Variants in MCRIP2 observed in about 807,000 individuals in gnomAD.
The protein encoded by MCRIP2 is MAPK regulated co-repressor interacting protein 2.
In MCRIP2, 21 loss-of-function variants were observed where a neutral mutation model predicts 23.2. That is an observed-to-expected ratio of 0.90 (90% CI 0.64 to 1.30). The LOEUF is 1.30. MCRIP2 is among the 50% of genes most tolerant of loss of function. MCRIP2 has a pLI of 0.00. For synonymous variants in MCRIP2, 121 were observed against 100.2 expected, an observed-to-expected ratio of 1.21 and a Z score of -1.24; for missense variants, 234 against 223.2, an observed-to-expected ratio of 1.05 and a Z score of -0.31.
rs1345735058 is a variant in MCRIP2 at position 648,277 on chromosome 16, G to A, written c.*87G>A. 2 of 1,333,066 alleles carry A rather than the reference G, an allele frequency of 1.5e-6. No individual in the cohort carries two copies. Among genetic ancestry groups the A allele is most frequent in the Non-Finnish European group, 2.1e-6 (2 of 954,888 alleles). 82.6% of individuals were successfully genotyped at this position (1,333,066 alleles called of 1,614,324 possible). On this transcript the variant is annotated 3_prime_UTR_variant, in exon 5 of 5. Transcript: ENST00000307650. ...CCTGCCCACCCACTGCGCCTGGCTG[G>A]GTGCCGGCCACACCTGAAGTGCCAG...
In MCRIP2 at chr16:647,797, C is replaced by T. The variant is rs371488689; in HGVS notation, c.325C>T (p.Gln109Ter). ...RFVSEAWQQV[Q>*]QQLDGGPAGE... ...TCCTCCCACAGCCTGGCAGCAGGTGCAACAGCAGCTGGATGGTGGCCCAGC... is the reference window on the plus strand; with the variant it reads ...TCCTCCCACAGCCTGGCAGCAGGTGTAACAGCAGCTGGATGGTGGCCCAGC... The change falls in exon 4 of 5, where the codon CAA (glutamine) becomes TAA (stop). Residue 109 changes from glutamine to a stop codon, truncating the protein, a stop_gained. Coordinates refer to ENST00000307650, the MANE Select transcript of MCRIP2 (RefSeq NM_138418.4). LOFTEE classifies it high-confidence loss of function. 4.5e-6 allele frequency: 7 copies of T among 1,568,488 alleles called. No homozygotes were observed. The African/African-American group carries it at 8.1e-5, about 18-fold the overall frequency.
At chr16:647,187 C>T (rs2037504432) in intron 2 of MCRIP2, 1 of 594,698 alleles carries the variant, frequency 1.7e-6, no homozygotes, top group Non-Finnish European at 3.0e-6. Context: ...TCACTCACTT[C>T]CCTCAGGACA....
chr16:641,894 C>T lies in MCRIP2; in HGVS notation c.-98C>T. ...AAGGGCCGGGGGCGTGTAGCGGGCC[C>T]GCCCCCTCCCCGCGGCGCCCGCAGT... On this transcript the variant is annotated 5_prime_UTR_variant, in exon 1 of 5. Coordinates refer to ENST00000307650, the MANE Select transcript of MCRIP2 (RefSeq NM_138418.4). 1 of 1,118,714 alleles carries T rather than the reference C, an allele frequency of 8.9e-7. No homozygotes were observed. The highest frequency in any genetic ancestry group is 1.1e-6 in the Non-Finnish European group (1 of 881,788). 69.3% of individuals were successfully genotyped at this position (1,118,714 alleles called of 1,614,324 possible).
Position 647,853 on chromosome 16 carries a change from C to T in MCRIP2, c.381C>T (p.Tyr127=), listed in dbSNP as rs776561608. The T allele has an allele frequency of 2.7e-5, 42 of 1,571,982 alleles. No homozygotes were observed. The Middle Eastern group carries it at 5.0e-4, about 19-fold the overall frequency. The change falls in exon 4 of 5, where the codon TAC becomes TAT. Residue 127 remains tyrosine (Y), a synonymous_variant. Coordinates refer to ENST00000307650, the MANE Select transcript of MCRIP2 (RefSeq NM_138418.4). ...AGEGGPRPVQ[Y]VERTPNPRLQ... is the part of the protein sequence containing the mutation. The stretch of plus-strand genomic sequence containing the variant: ...AGGGCGGGCCAAGGCCTGTGCAGTA[C>T]GTGGAGAGGACCCCCAATCCCCGGC...
At chr16:647,967 AG>A (rs903990973) in intron 4 of MCRIP2, 83 bp downstream of exon 4, 15 of 1,028,038 alleles carry the variant, frequency 1.5e-5, no homozygotes, top group Admixed American at 5.4e-5. Context: ...TTCCCACCCC[AG>A]GGGATGAGGG....
In MCRIP2 at chr16:648,230, C is replaced by G. The variant is rs368746198; in HGVS notation, c.*40C>G. ...GGGCGCTGCTACACGGCCGACCTGT[C>G]GCCAGGAGAGAAGCATGGCGCCCTG... On this transcript the variant is annotated 3_prime_UTR_variant, in exon 5 of 5. Coordinates refer to ENST00000307650, the MANE Select transcript of MCRIP2 (RefSeq NM_138418.4). 1.9e-6 allele frequency: 3 copies of G among 1,574,382 alleles called. No homozygotes were observed. The highest frequency in any genetic ancestry group is 2.6e-6 in the Non-Finnish European group (3 of 1,157,194).
intron 2 of MCRIP2, among the ~76,000 whole-genome samples, chr16:643,986 C>A (rs2037414597): frequency 6.6e-6 from 1 of 152,176 alleles, no homozygotes; most frequent in Non-Finnish European, 1.5e-5. Context: ...CACCTTCCCA[C>A]CCCCAGGCCC....
At chr16:642,349 C>T (rs1302230804) in intron 2 of MCRIP2, 100 bp downstream of exon 2, 2 of 1,059,070 alleles carry the variant, frequency 1.9e-6, no homozygotes, top group Non-Finnish European at 2.3e-6. Context: ...TAGTGAGGTC[C>T]GGCCACGTGC....
intron 1 of MCRIP2, 32 bp from the exon 2 acceptor site, chr16:642,085 CGCG>C (rs1567207660): frequency 2.0e-5 from 27 of 1,319,460 alleles, no homozygotes; most frequent in South Asian, 1.4e-4. Flanking sequence ...CGGGGCGGGG[CGCG>C]GCGGCGGCTG....
rs559496123 is a variant in MCRIP2, at chr16:646,477, C to T, written c.183-940C>T. On this transcript the variant is annotated intron_variant, in intron 2 of 4. Transcript: ENST00000307650. The surrounding 1 kb of genome is among the most constrained non-coding windows in gnomAD (Gnocchi z 6.5). ...GACACTCCTCTTTATTTTAGTGCCC[C>T]TCTCAGCTGAGGAGGAACCGAGAGC... 53 of 152,346 alleles carry T rather than the reference C, an allele frequency of 3.5e-4. No homozygotes were observed. Among genetic ancestry groups the T allele is most frequent in the Admixed American group, 1.5e-3 (23 of 15,302 alleles). 9.4% of individuals were successfully genotyped at this position (152,346 alleles called of 1,614,324 possible).
Position 648,305 on chromosome 16 carries a change from T to C in MCRIP2, c.*115T>C, listed in dbSNP as rs1407639516. On this transcript the variant is annotated 3_prime_UTR_variant, in exon 5 of 5. Coordinates refer to ENST00000307650, the MANE Select transcript of MCRIP2 (RefSeq NM_138418.4). ...GCCGGCCACACCTGAAGTGCCAGCA[T>C]TTGGACTTTTGCACCTTTTTTTCCC... 1.9e-6 allele frequency: 2 copies of C among 1,064,892 alleles called. No individual in the cohort carries two copies. The highest frequency in any genetic ancestry group is 2.8e-6 in the Non-Finnish European group (2 of 720,860). The allele number at this position is 1,064,892 out of a possible 1,614,324, so 66.0% of individuals were successfully genotyped here. A position where few individuals can be genotyped will look rare whatever the true frequency, so the allele number is the denominator to read the frequency against.
intron 2 of MCRIP2, among the ~76,000 whole-genome samples, chr16:644,536 C>A (rs2037429891): frequency 6.6e-6 from 1 of 152,146 alleles, no homozygotes; most frequent in South Asian, 2.1e-4. Context: ...CTCAACCTCC[C>A]AGGTTCAAGT....
chr16:644,116 C>T (rs2037417622), intron 2 of MCRIP2, among the ~76,000 whole-genome samples: 2 of 151,978 alleles, frequency 1.3e-5, no homozygotes, highest in African/African-American at 4.8e-5. Flanking sequence ...GAGTTTTGCT[C>T]TGTTGCCCAG....
intron 2 of MCRIP2, chr16:646,000 G>T (rs1044620217): frequency 3.3e-5 from 5 of 152,252 alleles, no homozygotes; most frequent in Non-Finnish European, 5.9e-5. Flanking sequence ...GCTGAAGTTT[G>T]CCCGGAGCAG....
At position 647,462 on chromosome 16, in the gene MCRIP2, C is replaced by T; in HGVS notation, c.228C>T (p.Ala76=). ...LVFNRVNGRR[A]PSTSPSFEGT... ...TCAATCGTGTGAATGGCCGGCGGGC[C>T]CCCTCCACGTCCCCATCCTTCGAGG... The change falls in exon 3 of 5, where the codon GCC becomes GCT. Residue 76 remains alanine, a synonymous_variant. Coordinates refer to ENST00000307650, the MANE Select transcript of MCRIP2 (RefSeq NM_138418.4). 6.2e-7 allele frequency: 1 copy of T among 1,613,402 alleles called. No individual in the cohort carries two copies. The highest frequency in any genetic ancestry group is 8.5e-7 in the Non-Finnish European group (1 of 1,179,982).
At chr16:644,803 G>C (rs1048538480) in intron 2 of MCRIP2, among the ~76,000 whole-genome samples, 2 of 151,430 alleles carry the variant, frequency 1.3e-5, no homozygotes, top group Non-Finnish European at 2.9e-5. Context: ...GACTGGGCGC[G>C]GGAGGGGGGT....
intron 2 of MCRIP2, 43 bp from the exon 3 acceptor site, chr16:647,374 C>G (rs1322850090): frequency 6.2e-7 from 1 of 1,607,172 alleles, no homozygotes. Flanking sequence ...AGCACCGCAC[C>G]TGGGATGGGC....
Position 647,832 on chromosome 16 carries a change from C to T in MCRIP2, c.360C>T (p.Gly120=), listed in dbSNP as rs965961730. 9 of 1,577,916 alleles carry T rather than the reference C, an allele frequency of 5.7e-6. No homozygotes were observed. The highest frequency in any genetic ancestry group is 4.6e-5 in the East Asian group (2 of 43,040). The part of the protein sequence containing the change: ...QQLDGGPAGE[G]GPRPVQYVER... ...TGGATGGTGGCCCAGCCGGTGAGGGCGGGCCAAGGCCTGTGCAGTACGTGG... is the reference window on the plus strand; with the variant it reads ...TGGATGGTGGCCCAGCCGGTGAGGGTGGGCCAAGGCCTGTGCAGTACGTGG... Residue 120 remains glycine, a synonymous_variant, in exon 4 of 5, where the codon GGC becomes GGT. Coordinates refer to ENST00000307650, the MANE Select transcript of MCRIP2 (RefSeq NM_138418.4).
chr16:648,231 G>C lies in MCRIP2; in HGVS notation c.*41G>C, dbSNP rs377484079. The C allele has an allele frequency of 6.4e-7, 1 of 1,573,182 alleles. No homozygotes were observed. Among genetic ancestry groups the C allele is most frequent in the Admixed American group, 1.8e-5 (1 of 56,042 alleles). On this transcript the variant is annotated 3_prime_UTR_variant, in exon 5 of 5. Coordinates refer to ENST00000307650, the MANE Select transcript of MCRIP2 (RefSeq NM_138418.4). ...GGCGCTGCTACACGGCCGACCTGTC[G>C]CCAGGAGAGAAGCATGGCGCCCTGC...
Sources: gnomAD v4.1 joint callset for allele counts (sites outside exome capture counted in the v4.1 genomes callset) on GRCh38, gnomAD v4.1.1 for gene constraint, Gnocchi (gnomAD v3.1) non-coding constraint, MANE v1.5 for transcripts, NCBI Gene and HGNC (gene_info 2026-07-23, HGNC 2026-07-21) for gene names.